DAB1: variants seen among roughly 807,000 people sequenced by gnomAD.
DAB1 encodes the protein disabled homolog 1.
DAB1 carries 15 observed loss-of-function variants against 64.6 expected under a neutral mutation model. The ratio of observed to expected loss-of-function variants is 0.23; its 90% confidence interval spans 0.16 to 0.36. DAB1 has a LOEUF of 0.36. Among genes scored for constraint, DAB1 ranks in the 10% least tolerant of loss-of-function variants. DAB1 has a pLI of 1.00. For missense variants in DAB1, 596 were observed against 706.7 expected (o/e 0.84, Z 1.78); for synonymous variants, 235 against 251.9 (o/e 0.93, Z 0.64).
In DAB1 at chr1:58,380,575, A is replaced by G. The variant is rs547141191; in HGVS notation, n.258-37172T>C. On this transcript the variant is annotated intron_variant and non_coding_transcript_variant, in intron 3 of 20. Transcript: ENST00000485760. The stretch of plus-strand genomic sequence containing the variant: ...TTGCATCTCTTTGATGTAGTAGGTT[A>G]TTCTGTCCCCTGAGACAGCAGAGAT... Among the ~76,000 whole-genome samples, 4 of 152,336 alleles carry G rather than the reference A, an allele frequency of 2.6e-5. No individual in the cohort carries two copies. In the East Asian group the frequency reaches 7.7e-4, roughly 29 times the overall value.
chr1:57,392,788 T>C (rs1682491603), intron 1 of DAB1, among the ~76,000 whole-genome samples: 2 of 152,170 alleles, frequency 1.3e-5, no homozygotes, highest in Non-Finnish European at 2.9e-5. Context: ...TCAACGTGAC[T>C]CAAGCAATCT....
intron 2 of DAB1, among the ~76,000 whole-genome samples, chr1:57,208,131 A>G (rs1001729615): frequency 6.6e-6 from 1 of 152,242 alleles, no homozygotes; most frequent in Non-Finnish European, 1.5e-5. Flanking sequence ...TAAAAGGTGC[A>G]TCATTAAGCC....
intron 7 of DAB1, among the ~76,000 whole-genome samples, chr1:57,471,058 C>A (rs919654276): frequency 1.3e-5 from 2 of 152,214 alleles, no homozygotes; most frequent in Non-Finnish European, 2.9e-5. Context: ...AATAATTGAT[C>A]TGCAGCAAGG....
At chr1:57,514,325 T>C (rs1361626344) in intron 7 of DAB1, among the ~76,000 whole-genome samples, 1 of 152,268 alleles carries the variant, frequency 6.6e-6, no homozygotes, top group African/African-American at 2.4e-5. Context: ...GGTTCCCTTT[T>C]TTCCATGCCC....
chr1:57,724,323 G>C (rs1021444570), intron 6 of DAB1, among the ~76,000 whole-genome samples: 2 of 123,332 alleles, frequency 1.6e-5, no homozygotes, highest in Non-Finnish European at 3.3e-5. Flanking sequence ...AGGGAGGAAG[G>C]AAGGAAGGAA....
intron 6 of DAB1, among the ~76,000 whole-genome samples, chr1:57,683,480 C>T (rs941258766): frequency 6.6e-6 from 1 of 152,178 alleles, no homozygotes; most frequent in Non-Finnish European, 1.5e-5. Flanking sequence ...CTGGCCACTA[C>T]TCTTAAGCTT....
At chr1:57,816,435 T>C (rs948596692) in intron 6 of DAB1, among the ~76,000 whole-genome samples, 4 of 152,224 alleles carry the variant, frequency 2.6e-5, no homozygotes, top group Non-Finnish European at 5.9e-5. Flanking sequence ...ACAGCTCATA[T>C]GAATTACAGC....
chr1:58,369,290 C>T (rs4912335), intron 3 of DAB1, among the ~76,000 whole-genome samples: 16,354 of 152,106 alleles, frequency 0.11, 949 homozygotes, highest in Middle Eastern at 0.17. Context: ...ATATTTGTCT[C>T]GCCGTTTCCT....
intron 2 of DAB1, among the ~76,000 whole-genome samples, chr1:57,152,111 G>T (rs1031066958): frequency 6.6e-6 from 1 of 152,188 alleles, no homozygotes; most frequent in Non-Finnish European, 1.5e-5. Context: ...ACCATGCCGG[G>T]TGTCTTTTCT....
chr1:58,183,322 GC>G (rs1259065677), intron 4 of DAB1, among the ~76,000 whole-genome samples: 1 of 151,922 alleles, frequency 6.6e-6, no homozygotes, highest in East Asian at 1.9e-4. Flanking sequence ...CTCATATTCA[GC>G]CATGGATGAA....
intron 6 of DAB1, among the ~76,000 whole-genome samples, chr1:57,748,539 C>T (rs1204532785): frequency 1.7e-5 from 1 of 59,084 alleles, no homozygotes; most frequent in Non-Finnish European, 3.9e-5. Flanking sequence ...TTGGATATCA[C>T]TAGTGTTGTC....
At chr1:58,092,502 C>T (rs907852874) in intron 5 of DAB1, among the ~76,000 whole-genome samples, 1 of 152,114 alleles carries the variant, frequency 6.6e-6, no homozygotes, top group African/African-American at 2.4e-5. Context: ...TGAGTTTCTC[C>T]TTGCCCATCT....
At chr1:57,618,259 A>AC (rs1645813003) in intron 7 of DAB1, among the ~76,000 whole-genome samples, 1 of 152,140 alleles carries the variant, frequency 6.6e-6, no homozygotes, top group South Asian at 2.1e-4. Context: ...TACTAAAAAT[A>AC]CAAAAATTAG....
intron 6 of DAB1, among the ~76,000 whole-genome samples, chr1:57,756,115 C>T (rs1188949881): frequency 2.6e-5 from 4 of 152,084 alleles, no homozygotes; most frequent in Admixed American, 1.3e-4. Flanking sequence ...AATGCTCACC[C>T]GAAAACTGGG....
chr1:57,672,378 A>G (rs1204886116), intron 6 of DAB1, among the ~76,000 whole-genome samples: 1 of 152,148 alleles, frequency 6.6e-6, no homozygotes, highest in East Asian at 1.9e-4. Context: ...AAGACCAACT[A>G]ATCTAGCTCC....
intron 7 of DAB1, among the ~76,000 whole-genome samples, chr1:57,612,931 T>C (rs1645746367): frequency 1.3e-5 from 2 of 152,160 alleles, no homozygotes; most frequent in Non-Finnish European, 2.9e-5. Flanking sequence ...TACATGGGTG[T>C]CTTCTACATG....
chr1:58,450,031 TA>T (rs1341885803), intron 3 of DAB1, among the ~76,000 whole-genome samples: 1 of 152,024 alleles, frequency 6.6e-6, no homozygotes, highest in Admixed American at 6.5e-5. Context: ...TGAATGGGAG[TA>T]CGTGACATAA....
At chr1:57,277,630 T>C (rs1160489678) in intron 2 of DAB1, among the ~76,000 whole-genome samples, 1 of 152,224 alleles carries the variant, frequency 6.6e-6, no homozygotes. Context: ...ACATTCAATG[T>C]CTTTAGCACA....
At chr1:57,767,657 A>T (rs1649373508) in intron 6 of DAB1, among the ~76,000 whole-genome samples, 1 of 152,112 alleles carries the variant, frequency 6.6e-6, no homozygotes. Context: ...TATAGTGGCT[A>T]CTCAATAAAT....
Sources: allele counts gnomAD v4.1 joint callset (sites outside exome capture counted in the v4.1 genomes callset), GRCh38; gene constraint gnomAD v4.1.1; transcripts MANE v1.5; gene names NCBI Gene and HGNC (gene_info 2026-07-23, HGNC 2026-07-21).